The following IL7 variants were observed in gnomAD, a reference collection of about 807,000 sequenced individuals.
The protein encoded by IL7 is interleukin 7, also known as interleukin-7.
Under a neutral mutation model 21.6 loss-of-function variants are expected in IL7, and 3 were observed. The ratio of observed to expected loss-of-function variants is 0.14; its 90% CI spans 0.06 to 0.36. The LOEUF (loss-of-function observed/expected upper bound fraction) is 0.36, where lower values mean the gene tolerates loss of function less well. IL7 is among the 10% of genes least tolerant of loss of function. The pLI is 1.00. For synonymous variants in IL7, 62 were observed against 68.1 expected (o/e 0.91, Z 0.44); for missense variants, 175 against 200.2 (o/e 0.87, Z 0.76).
intron 2 of IL7, among the ~76,000 whole-genome samples, chr8:78,764,876 A>G (rs1459592824): frequency 1.3e-5 from 2 of 152,114 alleles, no homozygotes; most frequent in Admixed American, 1.3e-4. Flanking sequence ...GAGTAAATTC[A>G]ATATTGAAAG....
intron 2 of IL7, among the ~76,000 whole-genome samples, chr8:78,765,806 T>C (rs1400430590): frequency 6.6e-6 from 1 of 152,118 alleles, no homozygotes; most frequent in Non-Finnish European, 1.5e-5. Context: ...TCTTACGACA[T>C]AATGCAGCAA....
intron 2 of IL7, among the ~76,000 whole-genome samples, chr8:78,777,378 G>A (rs1351971169): frequency 6.6e-6 from 1 of 152,020 alleles, no homozygotes; most frequent in African/African-American, 2.4e-5. Flanking sequence ...CAATCTGAAA[G>A]TGCCTTCCTT....
intron 1 of IL7, among the ~76,000 whole-genome samples, chr8:78,803,978 C>G (rs887237051): frequency 5.3e-5 from 8 of 152,136 alleles, no homozygotes; most frequent in African/African-American, 1.9e-4. Context: ...ACCCTCCCCC[C>G]AGCTGTCTTC....
At chr8:78,709,659 AAAG>A (rs1470666769) in intron 3 of IL7, among the ~76,000 whole-genome samples, 1 of 152,062 alleles carries the variant, frequency 6.6e-6, no homozygotes, top group Non-Finnish European at 1.5e-5. Context: ...GGCCACACTG[AAAG>A]AAGAATTGTC....
rs3071074 is a variant in IL7, at chr8:78,759,216, C to CTTTT, written c.148-19138_148-19135dup. On this transcript the variant is annotated intron_variant, in intron 2 of 5. Transcript: ENST00000263851. ...TTATTTCCAGGATTTCTGCTGGGTT[C>CTTTT]TTTTTTTTTTTTAGCTTTAAACAAA... Among the ~76,000 whole-genome samples the CTTTT allele has an allele frequency of 3.8e-3, 495 of 131,936 alleles. 16 individuals are homozygous for CTTTT. In the East Asian group the frequency reaches 0.075, roughly 20 times the overall value. The allele number at this position is 131,936 out of a possible 152,430, so 86.6% of individuals were successfully genotyped here.
intron 3 of IL7, among the ~76,000 whole-genome samples, chr8:78,706,796 G>T (rs1187161039): frequency 6.6e-6 from 1 of 152,066 alleles, no homozygotes; most frequent in Non-Finnish European, 1.5e-5. Context: ...TCAAATGATA[G>T]TAACTACATT....
At chr8:78,727,794 A>G (rs1244911792), downstream of IL7, among the ~76,000 whole-genome samples, 1 of 151,952 alleles carries the variant, frequency 6.6e-6, no homozygotes, top group Non-Finnish European at 1.5e-5. Flanking sequence ...AAGAATTTTA[A>G]AAGTGAGATT....
chr8:78,683,412 T>C (rs1039671696), intron 4 of IL7, among the ~76,000 whole-genome samples: 1 of 152,232 alleles, frequency 6.6e-6, no homozygotes, highest in African/African-American at 2.4e-5. Flanking sequence ...ACCTGTGGGC[T>C]CAACACCATG....
At chr8:78,784,470 C>T (rs1482505190) in intron 2 of IL7, among the ~76,000 whole-genome samples, 1 of 152,138 alleles carries the variant, frequency 6.6e-6, no homozygotes, top group Non-Finnish European at 1.5e-5. Context: ...AACATCTTTA[C>T]AACATAATTT....
intron 4 of IL7, chr8:78,678,647 G>T: frequency 6.2e-7 from 1 of 1,611,768 alleles, no homozygotes; most frequent in Non-Finnish European, 8.5e-7. Context: ...TGAAGGAACT[G>T]ATATTCCAAC....
At chr8:78,772,558 T>A (rs1812994130) in intron 2 of IL7, among the ~76,000 whole-genome samples, 1 of 152,120 alleles carries the variant, frequency 6.6e-6, no homozygotes, top group Non-Finnish European at 1.5e-5. Flanking sequence ...TAAGTCCTCA[T>A]CTAACATCAC....
chr8:78,788,244 T>G (rs1813576421), intron 2 of IL7, among the ~76,000 whole-genome samples: 1 of 152,114 alleles, frequency 6.6e-6, no homozygotes, highest in Non-Finnish European at 1.5e-5. Context: ...TTTCTTGTTC[T>G]CAATTTCATC....
At chr8:78,736,421 A>C in intron 5 of IL7, 53 bp downstream of exon 5, 1 of 1,052,794 alleles carries the variant, frequency 9.5e-7, no homozygotes, top group Non-Finnish European at 1.4e-6. Flanking sequence ...ATTAGGAATT[A>C]AGTTGAGTAA....
intron 2 of IL7, chr8:78,762,196 A>G: frequency 6.3e-7 from 1 of 1,592,082 alleles, no homozygotes; most frequent in Non-Finnish European, 8.6e-7. Context: ...CATTATCTCG[A>G]AGAACTGTCC....
At chr8:78,696,039 C>T (rs1011604454) in intron 3 of IL7, among the ~76,000 whole-genome samples, 2 of 151,574 alleles carry the variant, frequency 1.3e-5, no homozygotes, top group African/African-American at 4.8e-5. Flanking sequence ...ACCAATTTTT[C>T]TTTCTTTTTT....
chr8:78,711,248 G>T (rs904542384), intron 3 of IL7, among the ~76,000 whole-genome samples: 1 of 152,112 alleles, frequency 6.6e-6, no homozygotes, highest in African/African-American at 2.4e-5. Flanking sequence ...CTAGATGTTG[G>T]TTGGTGATAG....
intron 2 of IL7, among the ~76,000 whole-genome samples, chr8:78,751,857 G>A (rs1812185171): frequency 6.6e-6 from 1 of 152,088 alleles, no homozygotes; most frequent in Non-Finnish European, 1.5e-5. Flanking sequence ...CAGAATGCCA[G>A]GGCTAATTCC....
chr8:78,680,619 A>G (rs971188395), intron 4 of IL7, among the ~76,000 whole-genome samples: 4 of 152,224 alleles, frequency 2.6e-5, no homozygotes, highest in African/African-American at 9.6e-5. Context: ...AGCAACTACA[A>G]ACTTCATTTT....
intron 5 of IL7, among the ~76,000 whole-genome samples, chr8:78,736,241 AAAATC>A (rs908399234): frequency 2.0e-5 from 3 of 151,934 alleles, no homozygotes; most frequent in African/African-American, 7.2e-5. Flanking sequence ...AAAAAAAAAA[AAAATC>A]ATGCTTTTGT....
Sources: gnomAD v4.1 joint callset for allele counts (sites outside exome capture counted in the v4.1 genomes callset) on GRCh38, gnomAD v4.1.1 for gene constraint, MANE v1.5 for transcripts, NCBI Gene and HGNC (gene_info 2026-07-23, HGNC 2026-07-21) for gene names.